Variants in PAPOLA observed in about 807,000 individuals in gnomAD.
PAPOLA encodes the protein poly(A) polymerase alpha, also known as polynucleotide adenylyltransferase alpha.
A neutral mutation model predicts 100.6 loss-of-function variants in PAPOLA; 15 were observed. That is an observed-to-expected ratio of 0.15 (90% CI 0.10 to 0.23). PAPOLA has a LOEUF of 0.23. PAPOLA is among the 10% of genes least tolerant of loss of function. The pLI is 1.00. For synonymous variants in PAPOLA, 293 were observed against 300.0 expected (o/e 0.98, Z 0.24); for missense variants, 533 against 884.2 (o/e 0.60, Z 5.04).
intron 16 of PAPOLA, 54 bp downstream of exon 16, chr14:96,547,972 T>A: frequency 2.1e-6 from 3 of 1,398,082 alleles, no homozygotes; most frequent in Non-Finnish European, 2.9e-6. Flanking sequence ...TTTATGCATC[T>A]GGACTATCAT....
intron 10 of PAPOLA, chr14:96,535,404 A>G (rs913852695): frequency 6.1e-6 from 6 of 982,116 alleles, no homozygotes; most frequent in Non-Finnish European, 4.8e-6. Flanking sequence ...CTCCTAACAT[A>G]TCAACATGGA....
In PAPOLA at chr14:96,520,041, A is replaced by G. The variant is rs772824256; in HGVS notation, c.9-14A>G. 9.5e-6 allele frequency: 15 copies of G among 1,580,674 alleles called. No homozygotes were observed. The East Asian group carries it at 2.9e-4, about 31-fold the overall frequency. On this transcript the variant is annotated splice_polypyrimidine_tract_variant and intron_variant, in intron 1 of 21. Coordinates refer to ENST00000216277, the MANE Select transcript of PAPOLA (RefSeq NM_032632.5). ...AATTCTTTTGGCAGTAATTGTATCC[A>G]ATTTTGTTTATAGTCCAGTTACAAC...
At chr14:96,543,434 T>C (rs1478099401) in intron 14 of PAPOLA, among the ~76,000 whole-genome samples, 1 of 152,114 alleles carries the variant, frequency 6.6e-6, no homozygotes, top group Non-Finnish European at 1.5e-5. Flanking sequence ...GACTAGACTC[T>C]ATACTTTGTT....
chr14:96,564,981 T>C lies in PAPOLA; in HGVS notation c.2169T>C (p.Asp723=). ...SQKTSSTDLS[D]IPALPANPIP... ...AAACATCCAGTACAGACCTTTCTGA[T>C]ATCCCTGCTCTCCCTGCAAATCCTA... is the stretch of plus-strand genomic sequence containing the variant. Residue 723 remains aspartate (D), a synonymous_variant, in exon 22 of 22, where the codon GAT becomes GAC. Coordinates refer to ENST00000216277, the MANE Select transcript of PAPOLA (RefSeq NM_032632.5). The C allele has an allele frequency of 6.3e-7, 1 of 1,593,862 alleles. No homozygotes were observed. The highest frequency in any genetic ancestry group is 8.6e-7 in the Non-Finnish European group (1 of 1,161,688).
At chr14:96,524,864 C>CT (rs1302015660) in intron 3 of PAPOLA, among the ~76,000 whole-genome samples, 1 of 152,096 alleles carries the variant, frequency 6.6e-6, no homozygotes, top group Non-Finnish European at 1.5e-5. Context: ...AAAAAATACT[C>CT]TAATATGTTG....
At chr14:96,511,639 A>G (rs1897117145) in intron 1 of PAPOLA, among the ~76,000 whole-genome samples, 1 of 152,194 alleles carries the variant, frequency 6.6e-6, no homozygotes. Context: ...ATCCCAGACT[A>G]AATTTGAGAT....
At chr14:96,559,596 T>C (rs865793268) in intron 19 of PAPOLA, among the ~76,000 whole-genome samples, 107 of 145,526 alleles carry the variant, frequency 7.4e-4, no homozygotes, top group East Asian at 1.4e-3. Flanking sequence ...TATATATATA[T>C]ACACACACAC....
chr14:96,502,579 C>T lies in PAPOLA; in HGVS notation c.-14C>T. On this transcript the variant is annotated 5_prime_UTR_variant, in exon 1 of 22. Transcript: ENST00000216277. ...CGGGGGGGAAGTGACTGGGCGGTGC[C>T]GGCGCCGGAGACGATGCCGTTGTAA... is the stretch of plus-strand genomic sequence containing the variant. The T allele has an allele frequency of 6.4e-7, 1 of 1,559,252 alleles. No homozygotes were observed. The highest frequency in any genetic ancestry group is 1.2e-5 in the South Asian group (1 of 84,668).
chr14:96,516,876 G>A (rs1897512003), intron 1 of PAPOLA, among the ~76,000 whole-genome samples: 2 of 152,178 alleles, frequency 1.3e-5, no homozygotes, highest in Admixed American at 6.5e-5. Context: ...TAGTGAGAAA[G>A]TTAAAGTAGA....
chr14:96,547,482 G>A (rs576947043), intron 15 of PAPOLA, among the ~76,000 whole-genome samples: 2 of 152,242 alleles, frequency 1.3e-5, no homozygotes, highest in Admixed American at 6.5e-5. Context: ...GGGTATGGGT[G>A]TAAGAAACCC....
intron 16 of PAPOLA, among the ~76,000 whole-genome samples, chr14:96,548,523 A>T (rs1489933331): frequency 6.6e-6 from 1 of 152,158 alleles, no homozygotes; most frequent in East Asian, 1.9e-4. Flanking sequence ...GATACAAATT[A>T]CGTTTTTTCT....
At chr14:96,527,741 A>G (rs557462020) in intron 5 of PAPOLA, 1 of 610,492 alleles carries the variant, frequency 1.6e-6, no homozygotes, top group East Asian at 2.7e-5. Flanking sequence ...AATTGAGGCA[A>G]ACAAAATAAA....
chr14:96,546,021 T>C (rs748002836), intron 15 of PAPOLA, among the ~76,000 whole-genome samples: 5 of 152,136 alleles, frequency 3.3e-5, no homozygotes, highest in Admixed American at 1.3e-4. Flanking sequence ...TTAGTTGTCC[T>C]GTATATTGAA....
chr14:96,522,217 G>A (rs1327548736), intron 3 of PAPOLA, among the ~76,000 whole-genome samples: 3 of 145,406 alleles, frequency 2.1e-5, no homozygotes, highest in Non-Finnish European at 4.5e-5. Flanking sequence ...TGCCTCCTGC[G>A]GCCAACTGAT....
At chr14:96,551,647 T>C (rs918136546) in intron 16 of PAPOLA, among the ~76,000 whole-genome samples, 8 of 151,992 alleles carry the variant, frequency 5.3e-5, no homozygotes, top group Admixed American at 2.0e-4. Flanking sequence ...GAACACAGGC[T>C]AAACATTCTG....
intron 1 of PAPOLA, among the ~76,000 whole-genome samples, chr14:96,513,081 TG>T (rs1245758195): frequency 1.3e-5 from 2 of 152,238 alleles, no homozygotes; most frequent in Non-Finnish European, 2.9e-5. Context: ...TTGCTTTTTT[TG>T]GGGATGGAGT....
intron 3 of PAPOLA, among the ~76,000 whole-genome samples, chr14:96,525,012 C>T (rs955393925): frequency 9.9e-5 from 15 of 152,172 alleles, no homozygotes; most frequent in Non-Finnish European, 1.8e-4. Context: ...TTCTAACGTG[C>T]TCCTGTGGGA....
chr14:96,502,494 A>G lies in PAPOLA; in HGVS notation c.-99A>G. ...GAGGGGTTGGACCCAGGGCTGAGGCAGGCCCCCCCCTCCCTCCCGCCTCAG... is the reference window on the plus strand; with the variant it reads ...GAGGGGTTGGACCCAGGGCTGAGGCGGGCCCCCCCCTCCCTCCCGCCTCAG... On this transcript the variant is annotated 5_prime_UTR_variant, in exon 1 of 22. Transcript: ENST00000216277. 2.1e-6 allele frequency: 2 copies of G among 933,816 alleles called. No homozygotes were observed. Among genetic ancestry groups the G allele is most frequent in the Non-Finnish European group, 3.3e-6 (2 of 606,274 alleles). 57.8% of individuals were successfully genotyped at this position (933,816 alleles called of 1,614,324 possible). A position where few individuals can be genotyped will look rare whatever the true frequency, so the allele number is the denominator to read the frequency against.
At chr14:96,507,477 C>T (rs1379629476) in intron 1 of PAPOLA, among the ~76,000 whole-genome samples, 13 of 151,532 alleles carry the variant, frequency 8.6e-5, no homozygotes, top group African/African-American at 2.9e-4. Context: ...TTAGTAGAGA[C>T]GGGGTTTCAC....
Sources: allele counts gnomAD v4.1 joint callset (sites outside exome capture counted in the v4.1 genomes callset), GRCh38; gene constraint gnomAD v4.1.1; transcripts MANE v1.5; gene names NCBI Gene and HGNC (gene_info 2026-07-23, HGNC 2026-07-21).